Variants in CDH6 observed in about 807,000 individuals in gnomAD.
The protein encoded by CDH6 is cadherin 6, also known as cadherin-6.
In CDH6, 31 loss-of-function variants were observed where a neutral mutation model predicts 78.0. The ratio of observed to expected loss-of-function variants is 0.40; its 90% CI spans 0.30 to 0.54. CDH6 has a LOEUF of 0.54. Among genes scored for constraint, CDH6 ranks in the 20% least tolerant of loss-of-function variants. The probability of loss-of-function intolerance (pLI) is 0.56; values close to 1 mark genes in which losing one functional copy is unlikely to be tolerated. For synonymous variants in CDH6, 376 were observed against 368.8 expected (o/e 1.02, Z -0.23); for missense variants, 724 against 975.9 (o/e 0.74, Z 3.44).
chr5:31,240,603 G>T (rs557574852), intron 1 of CDH6, among the ~76,000 whole-genome samples: 1 of 152,086 alleles, frequency 6.6e-6, no homozygotes, highest in African/African-American at 2.4e-5. Context: ...GGAAAACTTC[G>T]CTCTACTCAG....
intron 7 of CDH6, among the ~76,000 whole-genome samples, chr5:31,311,743 T>G (rs1248293999): frequency 6.6e-6 from 1 of 152,074 alleles, no homozygotes; most frequent in African/African-American, 2.4e-5. Context: ...AACCATCAGA[T>G]CTCATGAGAA....
At chr5:31,235,668 A>T (rs1741437494) in intron 1 of CDH6, among the ~76,000 whole-genome samples, 1 of 152,304 alleles carries the variant, frequency 6.6e-6, no homozygotes, top group African/African-American at 2.4e-5. Flanking sequence ...ATAAAACCCA[A>T]ATGAATAAAT....
chr5:31,320,834 CTG>C (rs1365995164), intron 11 of CDH6, among the ~76,000 whole-genome samples: 1 of 152,048 alleles, frequency 6.6e-6, no homozygotes, highest in African/African-American at 2.4e-5. Flanking sequence ...CAAAAATTAA[CTG>C]TGCATGGTGG....
chr5:31,269,380 G>A (rs1742458563), intron 2 of CDH6, among the ~76,000 whole-genome samples: 1 of 152,086 alleles, frequency 6.6e-6, no homozygotes, highest in Non-Finnish European at 1.5e-5. Context: ...ATTGCCATGG[G>A]GAAAAGTTAC....
At chr5:31,287,860 C>A (rs866377236) in intron 2 of CDH6, among the ~76,000 whole-genome samples, 9 of 152,346 alleles carry the variant, frequency 5.9e-5, no homozygotes, top group Middle Eastern at 3.4e-3. Context: ...CTTTGAGAAC[C>A]ACCGACTTAG....
chr5:31,259,963 C>T (rs985546650), intron 1 of CDH6, among the ~76,000 whole-genome samples: 1 of 152,182 alleles, frequency 6.6e-6, no homozygotes, highest in Non-Finnish European at 1.5e-5. Context: ...AAATAAAGGC[C>T]ACCAGAACTT....
At chr5:31,213,437 G>T (rs1359057172) in intron 1 of CDH6, among the ~76,000 whole-genome samples, 1 of 152,220 alleles carries the variant, frequency 6.6e-6, no homozygotes, top group Non-Finnish European at 1.5e-5. Flanking sequence ...CTCCTTAGCT[G>T]TTGGGTGAAA....
intron 1 of CDH6, among the ~76,000 whole-genome samples, chr5:31,216,853 A>G (rs779952561): frequency 5.3e-5 from 8 of 152,166 alleles, no homozygotes; most frequent in Non-Finnish European, 1.0e-4. Context: ...CTGTAGTACT[A>G]AAAGCCTGAG....
chr5:31,305,540 G>T, intron 7 of CDH6, 113 bp downstream of exon 7: 1 of 1,139,478 alleles, frequency 8.8e-7, no homozygotes, highest in Non-Finnish European at 1.2e-6. Context: ...AGACAACTGT[G>T]TTTTCCTGAA....
chr5:31,287,250 T>C (rs912577111), intron 2 of CDH6, among the ~76,000 whole-genome samples: 1 of 152,040 alleles, frequency 6.6e-6, no homozygotes, highest in Non-Finnish European at 1.5e-5. Flanking sequence ...TACCAGCATA[T>C]AAGGGGCAGA....
intron 1 of CDH6, among the ~76,000 whole-genome samples, chr5:31,235,118 G>A (rs1375126275): frequency 6.6e-6 from 1 of 151,744 alleles, no homozygotes; most frequent in Non-Finnish European, 1.5e-5. Flanking sequence ...CCATGGGGTA[G>A]AAGAAAATTT....
chr5:31,205,858 C>T (rs1307280901), intron 1 of CDH6, among the ~76,000 whole-genome samples: 2 of 152,122 alleles, frequency 1.3e-5, no homozygotes, highest in Non-Finnish European at 2.9e-5. Context: ...AAACCTAACG[C>T]TTAGCACTTA....
In CDH6 at chr5:31,226,211, G is replaced by T. The variant is rs139342201; in HGVS notation, c.-129+32325G>T. Among the ~76,000 whole-genome samples, 218 of 152,244 alleles carry T rather than the reference G, an allele frequency of 1.4e-3. 2 individuals carry two copies. The highest frequency in any genetic ancestry group is 6.8e-3 in the Middle Eastern group (2 of 294). On this transcript the variant is annotated intron_variant, in intron 1 of 11. Coordinates refer to ENST00000265071, the MANE Select transcript of CDH6 (RefSeq NM_004932.4). The stretch of plus-strand genomic sequence containing the variant: ...TATTTTTGAGATAGCATCTCACTCA[G>T]TCACCCAGGCTGGATTGTAGTGGCA...
intron 2 of CDH6, among the ~76,000 whole-genome samples, chr5:31,288,503 ACTGT>A (rs1487475913): frequency 1.4e-4 from 21 of 152,126 alleles, no homozygotes; most frequent in African/African-American, 3.9e-4. Flanking sequence ...CCTTCACAAC[ACTGT>A]CTATTTATTA....
At chr5:31,196,044 A>C (rs1481766119) in intron 1 of CDH6, among the ~76,000 whole-genome samples, 1 of 152,176 alleles carries the variant, frequency 6.6e-6, no homozygotes, top group Non-Finnish European at 1.5e-5. Context: ...TTTTACACCA[A>C]TTTATTGCAC....
intron 2 of CDH6, among the ~76,000 whole-genome samples, chr5:31,284,611 A>G (rs1053252574): frequency 3.2e-4 from 48 of 152,226 alleles, no homozygotes; most frequent in Non-Finnish European, 5.6e-4. Flanking sequence ...GAAATCCTGT[A>G]GCTAGGACTA....
At chr5:31,212,651 G>A (rs1165753950) in intron 1 of CDH6, among the ~76,000 whole-genome samples, 1 of 152,054 alleles carries the variant, frequency 6.6e-6, no homozygotes, top group Non-Finnish European at 1.5e-5. Context: ...TTGGCCTGAG[G>A]GTATTACTCT....
chr5:31,279,252 G>T (rs1323128259), intron 2 of CDH6, among the ~76,000 whole-genome samples: 1 of 152,070 alleles, frequency 6.6e-6, no homozygotes, highest in Non-Finnish European at 1.5e-5. Context: ...CTTAAAGTAA[G>T]CTAGAGAAAA....
chr5:31,253,204 G>C (rs550251482), intron 1 of CDH6, among the ~76,000 whole-genome samples: 4 of 152,146 alleles, frequency 2.6e-5, no homozygotes, highest in African/African-American at 9.7e-5. Flanking sequence ...ATCTCATCTT[G>C]AATTGTAGTT....
Sources: gnomAD v4.1 joint callset for allele counts (sites outside exome capture counted in the v4.1 genomes callset) on GRCh38, gnomAD v4.1.1 for gene constraint, MANE v1.5 for transcripts, NCBI Gene and HGNC (gene_info 2026-07-23, HGNC 2026-07-21) for gene names.